Variants in FAM47E observed in about 807,000 individuals in gnomAD.
The protein encoded by FAM47E is protein FAM47E.
In FAM47E, 32 loss-of-function variants were observed where a neutral mutation model predicts 41.6. That is an observed-to-expected ratio of 0.77 (90% CI 0.58 to 1.03). The LOEUF (loss-of-function observed/expected upper bound fraction) is 1.03. Among genes scored for constraint, FAM47E ranks in the 50% least tolerant of loss-of-function variants. The pLI is 0.00. For missense variants in FAM47E, 424 were observed against 485.4 expected, an observed-to-expected ratio of 0.87 and a Z score of 1.19; for synonymous variants, 184 against 188.7, an observed-to-expected ratio of 0.98 and a Z score of 0.20.
chr4:76,219,093 T>G (rs1337354946), intron 2 of FAM47E, among the ~76,000 whole-genome samples: 2 of 152,204 alleles, frequency 1.3e-5, no homozygotes, highest in Non-Finnish European at 2.9e-5. Flanking sequence ...CCTTAGCCAC[T>G]GCTTGGGACT....
At position 76,271,729 on chromosome 4, in the gene FAM47E, C is replaced by T. The variant is rs1448250543; in HGVS notation, c.831C>T (p.Phe277=). The change falls in exon 5 of 8, where the codon TTC becomes TTT. Residue 277 remains phenylalanine (F), a synonymous_variant. Transcript: ENST00000424749. The part of the protein sequence containing the change: ...GLSKLQETEF[F]QKLGYERKLQ... ...GTAAACTGCAGGAGACAGAGTTCTTCCAGAAACTAGGCTATGAGAGGAAAC... is the reference window on the plus strand; with the variant it reads ...GTAAACTGCAGGAGACAGAGTTCTTTCAGAAACTAGGCTATGAGAGGAAAC... 8.4e-6 allele frequency: 13 copies of T among 1,551,628 alleles called. No homozygotes were observed. The highest frequency in any genetic ancestry group is 4.8e-5 in the South Asian group (4 of 84,040).
At chr4:76,266,864 C>T (rs956100250) in intron 3 of FAM47E, among the ~76,000 whole-genome samples, 2 of 152,304 alleles carry the variant, frequency 1.3e-5, no homozygotes, top group African/African-American at 4.8e-5. Context: ...ACTCCCAGCT[C>T]AGCTCTTTGC....
intron 6 of FAM47E, 68 bp downstream of exon 6, chr4:76,278,292 A>G (rs1735212879): frequency 7.2e-7 from 1 of 1,392,056 alleles, no homozygotes; most frequent in African/African-American, 1.5e-5. Flanking sequence ...CCACCCTCCT[A>G]CTGAACCAGA....
chr4:76,252,586 T>C (rs75132248), intron 1 of FAM47E, among the ~76,000 whole-genome samples: 9,011 of 152,208 alleles, frequency 0.059, 285 homozygotes, highest in Middle Eastern at 0.11. Flanking sequence ...CTTTCTAAGA[T>C]TGTCGTGAGG....
intron 1 of FAM47E, among the ~76,000 whole-genome samples, chr4:76,215,676 A>G (rs1733193189): frequency 6.6e-6 from 1 of 152,080 alleles, no homozygotes; most frequent in Admixed American, 6.6e-5. Flanking sequence ...GGCCTTTGCA[A>G]ATTCTTGCTC....
At chr4:76,276,037 G>GACAGACACACACAC (rs1553957135) in intron 5 of FAM47E, among the ~76,000 whole-genome samples, 35 of 62,396 alleles carry the variant, frequency 5.6e-4, no homozygotes, top group South Asian at 9.6e-4. Flanking sequence ...CAGACAGACA[G>GACAGACACACACAC]ACACACACAC....
intron 2 of FAM47E, among the ~76,000 whole-genome samples, chr4:76,221,010 G>A (rs1733297060): frequency 2.0e-5 from 3 of 152,106 alleles, no homozygotes; most frequent in Non-Finnish European, 4.4e-5. Flanking sequence ...ACAACTCACA[G>A]GCCCCAAGGT....
intron 1 of FAM47E, among the ~76,000 whole-genome samples, chr4:76,255,674 G>T (rs1236290013): frequency 6.6e-6 from 1 of 152,156 alleles, no homozygotes; most frequent in Non-Finnish European, 1.5e-5. Context: ...GCAACAACTT[G>T]AGTGTCCTTC....
upstream of FAM47E, chr4:76,251,699 C>T: frequency 7.0e-7 from 1 of 1,436,466 alleles, no homozygotes; most frequent in Non-Finnish European, 9.1e-7. Flanking sequence ...GGCAGCAGGG[C>T]ACACACACCG....
intron 1 of FAM47E, 70 bp from the exon 2 acceptor site, chr4:76,256,108 C>A: frequency 1.4e-6 from 2 of 1,476,820 alleles, no homozygotes; most frequent in Non-Finnish European, 1.8e-6. Context: ...CTTCTCCCAC[C>A]CAAGTCCTGT....
At chr4:76,228,865 C>A (rs1430039418) in intron 2 of FAM47E, among the ~76,000 whole-genome samples, 2 of 152,082 alleles carry the variant, frequency 1.3e-5, no homozygotes, top group African/African-American at 2.4e-5. Flanking sequence ...CCTGGGTGTT[C>A]TTTGAGCTTC....
intron 2 of FAM47E, among the ~76,000 whole-genome samples, chr4:76,241,629 A>T (rs1468554470): frequency 6.6e-6 from 1 of 152,164 alleles, no homozygotes; most frequent in African/African-American, 2.4e-5. Context: ...TTTCCCCTAG[A>T]AGTTGCTAGC....
At chr4:76,250,240 A>G (rs1733923195), upstream of FAM47E, among the ~76,000 whole-genome samples, 1 of 152,072 alleles carries the variant, frequency 6.6e-6, no homozygotes, top group Non-Finnish European at 1.5e-5. Flanking sequence ...AAATTTTTTG[A>G]TTATGGCCAG....
At chr4:76,221,271 TG>T (rs1733302287) in intron 2 of FAM47E, among the ~76,000 whole-genome samples, 1 of 152,188 alleles carries the variant, frequency 6.6e-6, no homozygotes, top group Non-Finnish European at 1.5e-5. Context: ...GGTCCTGGCC[TG>T]GGGAGTTTTT....
At chr4:76,270,679 G>A (rs1175131286) in intron 4 of FAM47E, among the ~76,000 whole-genome samples, 1 of 152,128 alleles carries the variant, frequency 6.6e-6, no homozygotes, top group African/African-American at 2.4e-5. Flanking sequence ...TAAGAGTTTA[G>A]CTTCTCTGGT....
chr4:76,234,223 A>C (rs1022158071), intron 2 of FAM47E: 1 of 152,384 alleles, frequency 6.6e-6, no homozygotes, highest in Non-Finnish European at 1.5e-5. Flanking sequence ...GGGTGTGGGC[A>C]TGATTTCCCC....
At chr4:76,219,950 TC>T (rs1417863174) in intron 2 of FAM47E, among the ~76,000 whole-genome samples, 1 of 152,230 alleles carries the variant, frequency 6.6e-6, no homozygotes, top group Non-Finnish European at 1.5e-5. Flanking sequence ...TCCAGTTCTT[TC>T]ATAAATAAAT....
chr4:76,241,946 G>A (rs1733720809), intron 2 of FAM47E, among the ~76,000 whole-genome samples: 1 of 152,126 alleles, frequency 6.6e-6, no homozygotes, highest in Non-Finnish European at 1.5e-5. Flanking sequence ...GCAGCTTGAG[G>A]GCTAACAAGT....
rs1735445809 is a variant in FAM47E at position 76,283,443 on chromosome 4, A to G, written c.1167A>G (p.Lys389=). ...CKRACNKTPI[K]RTQA ...GTGCATGTAATAAGACTCCTATAAA[A>G]CGAACTCAAGCATAGAAGAATCGTA... Residue 389 remains lysine (K), a synonymous_variant, in exon 8 of 8, where the codon AAA becomes AAG. Coordinates refer to ENST00000424749, the MANE Select transcript of FAM47E (RefSeq NM_001136570.3). 1 of 1,542,230 alleles carries G rather than the reference A, an allele frequency of 6.5e-7. No homozygotes were observed. Among genetic ancestry groups the G allele is most frequent in the Non-Finnish European group, 8.8e-7 (1 of 1,138,718 alleles).
Sources: gnomAD v4.1 joint callset for allele counts (sites outside exome capture counted in the v4.1 genomes callset) on GRCh38, gnomAD v4.1.1 for gene constraint, MANE v1.5 for transcripts, NCBI Gene and HGNC (gene_info 2026-07-23, HGNC 2026-07-21) for gene names.